ATP8A2: variants seen among roughly 807,000 people sequenced by gnomAD.
The protein encoded by ATP8A2 is phospholipid-transporting ATPase IB.
In ATP8A2, 100 loss-of-function variants were observed where a neutral mutation model predicts 165.6. The ratio of observed to expected loss-of-function variants is 0.60; its 90% CI spans 0.51 to 0.71. The LOEUF is 0.71. ATP8A2 is among the 30% of genes least tolerant of loss of function. The pLI is 0.00. For missense variants in ATP8A2, 1,227 were observed against 1,479.5 expected (o/e 0.83, Z 2.80); for synonymous variants, 543 against 548.8 (o/e 0.99, Z 0.15).
intron 4 of ATP8A2, among the ~76,000 whole-genome samples, chr13:25,531,422 TA>T (rs71077481): frequency 0.26 from 13,894 of 52,648 alleles, 1,566 homozygotes; most frequent in Middle Eastern, 0.34. Context: ...ATATATATGA[TA>T]TATATATGAT....
At chr13:25,794,820 T>TACACACACAC (rs3053488) in intron 27 of ATP8A2, among the ~76,000 whole-genome samples, 9,383 of 139,444 alleles carry the variant, frequency 0.067, 388 homozygotes, top group Non-Finnish European at 0.09. Context: ...TTCCCTCTCC[T>TACACACACAC]ACACACACAC....
intron 1 of ATP8A2, among the ~76,000 whole-genome samples, chr13:25,379,702 C>T (rs2032768089): frequency 6.6e-6 from 1 of 152,170 alleles, no homozygotes; most frequent in Admixed American, 6.5e-5. Context: ...ACTAAGTGGT[C>T]TTCTGGGACT....
intron 24 of ATP8A2, among the ~76,000 whole-genome samples, chr13:25,685,706 G>T (rs559524160): frequency 5.9e-5 from 9 of 152,288 alleles, no homozygotes; most frequent in South Asian, 4.2e-4. Flanking sequence ...GCTAGTTGGG[G>T]CTCTGGCACC....
intron 36 of ATP8A2, among the ~76,000 whole-genome samples, chr13:26,013,263 G>C (rs576978149): frequency 7.2e-4 from 109 of 152,094 alleles, no homozygotes; most frequent in Non-Finnish European, 1.1e-3. Flanking sequence ...TGTGTCCTGC[G>C]GCCTTCCCCA....
chr13:25,376,481 T>G (rs527830144), intron 1 of ATP8A2, among the ~76,000 whole-genome samples: 1 of 152,230 alleles, frequency 6.6e-6, no homozygotes, highest in South Asian at 2.1e-4. Context: ...TAAAGAGAAT[T>G]GAATTCAGGT....
At chr13:25,422,874 C>A (rs61609046) in intron 1 of ATP8A2, among the ~76,000 whole-genome samples, 1,982 of 152,296 alleles carry the variant, frequency 0.013, 47 homozygotes, top group African/African-American at 0.045. Context: ...AATGTCCTTA[C>A]AAAAGTATTA....
At chr13:25,450,670 T>C (rs1448656472) in intron 1 of ATP8A2, among the ~76,000 whole-genome samples, 1 of 152,098 alleles carries the variant, frequency 6.6e-6, no homozygotes, top group Non-Finnish European at 1.5e-5. Flanking sequence ...TAGCTGGGAC[T>C]ACAGGCGCCC....
At position 25,391,233 on chromosome 13, in the gene ATP8A2, A is replaced by G. The variant is rs142431618; in HGVS notation, c.76+18945A>G. Among the ~76,000 whole-genome samples, 5 of 152,326 alleles carry G rather than the reference A, an allele frequency of 3.3e-5. No homozygotes were observed. In the East Asian group the frequency reaches 7.7e-4, roughly 23 times the overall value. The stretch of plus-strand genomic sequence containing the variant: ...ATGAGGCTTCATCTGCATTTTTATT[A>G]TAAATGAATCCAGCTCAAGCCTTAT... On this transcript the variant is annotated intron_variant, in intron 1 of 36. Coordinates refer to ENST00000381655, the MANE Select transcript of ATP8A2 (RefSeq NM_016529.6).
chr13:25,802,566 G>A (rs1018510094), intron 27 of ATP8A2, among the ~76,000 whole-genome samples: 29 of 152,190 alleles, frequency 1.9e-4, no homozygotes, highest in African/African-American at 6.3e-4. Flanking sequence ...CAGAAAGGCA[G>A]TCTGTGAGGC....
At chr13:25,884,867 A>C (rs944784706) in intron 33 of ATP8A2, among the ~76,000 whole-genome samples, 14 of 152,120 alleles carry the variant, frequency 9.2e-5, no homozygotes, top group Admixed American at 9.2e-4. Context: ...GCCCTTCTGC[A>C]TCACCTCTGA....
intron 2 of ATP8A2, among the ~76,000 whole-genome samples, chr13:25,475,543 AT>A (rs1413471090): frequency 5.3e-5 from 8 of 152,194 alleles, no homozygotes; most frequent in African/African-American, 1.9e-4. Context: ...CAGTAATGGG[AT>A]TGCTGAGTTG....
At chr13:25,418,915 G>A (rs1308567440) in intron 1 of ATP8A2, among the ~76,000 whole-genome samples, 1 of 152,108 alleles carries the variant, frequency 6.6e-6, no homozygotes, top group Non-Finnish European at 1.5e-5. Flanking sequence ...TTTCTCATCT[G>A]GGTCTTTGTG....
intron 16 of ATP8A2, 21 bp from the exon 17 acceptor site, chr13:25,570,746 A>G: frequency 6.3e-7 from 1 of 1,599,808 alleles, no homozygotes; most frequent in African/African-American, 1.3e-5. Context: ...ATCTGACACT[A>G]ATCCCGCCTC....
chr13:25,515,933 A>T (rs147928725), intron 2 of ATP8A2, among the ~76,000 whole-genome samples: 1 of 152,344 alleles, frequency 6.6e-6, no homozygotes, highest in East Asian at 1.9e-4. Flanking sequence ...TTTGCTATAT[A>T]CGCATGATAA....
Position 25,939,550 on chromosome 13 carries a change from CTT to C in ATP8A2, c.3184-22023_3184-22022del, listed in dbSNP as rs1413537699. On this transcript the variant is annotated intron_variant, in intron 33 of 36. Transcript: ENST00000381655. ...GGTGGTTTGCCACTCTTCTTCCTGA[CTT>C]TCGCCATATTGGGGATGTTTGTGCC... Among the ~76,000 whole-genome samples the C allele has an allele frequency of 6.6e-5, 10 of 152,272 alleles. No homozygotes were observed. The East Asian group carries it at 1.7e-3, about 26-fold the overall frequency.
intron 6 of ATP8A2, 128 bp from the exon 7 acceptor site, chr13:25,537,860 T>G: frequency 1.9e-6 from 1 of 540,436 alleles, no homozygotes. Context: ...AATTTGGGCT[T>G]CTCTATCTTA....
chr13:25,796,992 G>A (rs909039299), intron 27 of ATP8A2, among the ~76,000 whole-genome samples: 3 of 152,100 alleles, frequency 2.0e-5, no homozygotes, highest in Non-Finnish European at 4.4e-5. Flanking sequence ...AAACAGCCAG[G>A]CGCCATGGCT....
intron 15 of ATP8A2, among the ~76,000 whole-genome samples, chr13:25,561,148 G>A (rs973664670): frequency 1.3e-5 from 2 of 152,134 alleles, no homozygotes; most frequent in African/African-American, 2.4e-5. Context: ...GCCTCCCAAA[G>A]TGAATTTTTT....
chr13:25,471,945 G>A (rs1303590957), intron 2 of ATP8A2, among the ~76,000 whole-genome samples: 2 of 152,330 alleles, frequency 1.3e-5, no homozygotes, highest in East Asian at 3.9e-4. Context: ...GGCTTATACT[G>A]TGAGCGTAAG....
Sources: allele counts gnomAD v4.1 joint callset (sites outside exome capture counted in the v4.1 genomes callset), GRCh38; gene constraint gnomAD v4.1.1; transcripts MANE v1.5; gene names NCBI Gene and HGNC (gene_info 2026-07-23, HGNC 2026-07-21).